Variants in PRDM16 observed in about 807,000 individuals in gnomAD.
PRDM16 encodes the protein PR/SET domain 16, also known as histone-lysine N-methyltransferase PRDM16.
PRDM16 carries 23 observed loss-of-function variants against 110.6 expected under a neutral mutation model. That is an observed-to-expected ratio of 0.21 (90% CI 0.15 to 0.29). PRDM16 has a LOEUF of 0.29. Among genes scored for constraint, PRDM16 ranks in the 10% least tolerant of loss-of-function variants. The probability of loss-of-function intolerance (pLI) is 1.00; values close to 1 mark genes in which losing one functional copy is unlikely to be tolerated. For synonymous variants in PRDM16, 799 were observed against 781.8 expected, an observed-to-expected ratio of 1.02 and a Z score of -0.37; for missense variants, 1,615 against 1,794.3, an observed-to-expected ratio of 0.90 and a Z score of 1.81.
intron 1 of PRDM16, among the ~76,000 whole-genome samples, chr1:3,158,020 G>C (rs1048124449): frequency 4.6e-5 from 7 of 152,216 alleles, no homozygotes; most frequent in African/African-American, 1.7e-4. Context: ...GGAAAACCTT[G>C]CCTCTCCTCA....
At position 3,171,886 on chromosome 1, in the gene PRDM16, G is replaced by A. The variant is rs201861534; in HGVS notation, c.38-14239G>A. ...GCCCTGCTTGGATCAGGCGCCTCCC[G>A]AGCACAAAGTCCTGGAGCAGCGAGC... On this transcript the variant is annotated intron_variant, in intron 1 of 16. Coordinates refer to ENST00000270722, the MANE Select transcript of PRDM16 (RefSeq NM_022114.4). Among the ~76,000 whole-genome samples, 18 of 152,196 alleles carry A rather than the reference G, an allele frequency of 1.2e-4. No homozygotes were observed. In the East Asian group the frequency reaches 2.9e-3, roughly 25 times the overall value.
At chr1:3,118,196 TACACACGC>T (rs753720493) in intron 1 of PRDM16, among the ~76,000 whole-genome samples, 50 of 150,866 alleles carry the variant, frequency 3.3e-4, no homozygotes, top group South Asian at 8.7e-4. Context: ...TGCATGCATG[TACACACGC>T]ACACACGCAC....
intron 8 of PRDM16, among the ~76,000 whole-genome samples, chr1:3,409,940 G>A (rs1291744681): frequency 3.2e-5 from 4 of 126,830 alleles, no homozygotes; most frequent in Non-Finnish European, 6.6e-5. Flanking sequence ...CATGTGTGTG[G>A]TGTGGGTGTG....
At chr1:3,183,683 A>G (rs975601889) in intron 1 of PRDM16, among the ~76,000 whole-genome samples, 1 of 152,194 alleles carries the variant, frequency 6.6e-6, no homozygotes, top group Admixed American at 6.5e-5. Context: ...TAAATTAAAC[A>G]TGCCCTTAAA....
rs762119242 is a variant in PRDM16, at chr1:3,437,318, G to A, written c.*3507G>A. 9.5e-5 allele frequency: 22 copies of A among 232,764 alleles called. No individual in the cohort carries two copies. The highest frequency in any genetic ancestry group is 1.7e-4 in the Admixed American group (3 of 17,780). 14.4% of individuals were successfully genotyped at this position (232,764 alleles called of 1,614,324 possible). Reference sequence around the variant, plus strand: ...GGCCCTGGCGTCCTCTGCCTTCCCCGCTTCCCCATGAGCGTCTGCAAAACA... The same window carrying A: ...GGCCCTGGCGTCCTCTGCCTTCCCCACTTCCCCATGAGCGTCTGCAAAACA... On this transcript the variant is annotated 3_prime_UTR_variant, in exon 17 of 17. Coordinates refer to ENST00000270722, the MANE Select transcript of PRDM16 (RefSeq NM_022114.4).
At chr1:3,182,436 C>A (rs1020673857) in intron 1 of PRDM16, among the ~76,000 whole-genome samples, 1 of 152,216 alleles carries the variant, frequency 6.6e-6, no homozygotes, top group African/African-American at 2.4e-5. Flanking sequence ...GTGGCCTCTT[C>A]TCTCGCTCTC....
At position 3,190,774 on chromosome 1, in the gene PRDM16, C is replaced by T. The variant is rs949257495; in HGVS notation, c.387+4300C>T. Among the ~76,000 whole-genome samples, 17 of 152,216 alleles carry T rather than the reference C, an allele frequency of 1.1e-4. No individual in the cohort carries two copies. Among genetic ancestry groups the T allele is most frequent in the East Asian group, 3.9e-4 (2 of 5,192 alleles). ...ATCACCCGTGAGCGCATTTGCTCGC[C>T]GTGGGGTCTGCAAAAACAATGATTT... is the stretch of plus-strand genomic sequence containing the variant. On this transcript the variant is annotated intron_variant, in intron 2 of 16. Transcript: ENST00000270722. The surrounding 1 kb of genome is among the most constrained non-coding windows in gnomAD (Gnocchi z 5.0).
intron 1 of PRDM16, among the ~76,000 whole-genome samples, chr1:3,072,310 G>C (rs1285866613): frequency 6.6e-6 from 1 of 152,186 alleles, no homozygotes; most frequent in African/African-American, 2.4e-5. Flanking sequence ...TCATAGCACA[G>C]CTGGGGGCCT....
chr1:3,415,982 G>C (rs1041388024), intron 10 of PRDM16, among the ~76,000 whole-genome samples: 1 of 152,230 alleles, frequency 6.6e-6, no homozygotes, highest in Non-Finnish European at 1.5e-5. Context: ...AGGGAGCAAG[G>C]CAGCTTCCAT....
At chr1:3,338,024 C>T (rs142292641) in intron 3 of PRDM16, among the ~76,000 whole-genome samples, 13 of 152,358 alleles carry the variant, frequency 8.5e-5, no homozygotes, top group East Asian at 1.9e-4. Context: ...CACACAGACA[C>T]ATGTGCACAC....
chr1:3,134,976 C>T (rs1211558192), intron 1 of PRDM16, among the ~76,000 whole-genome samples: 4 of 152,184 alleles, frequency 2.6e-5, no homozygotes, highest in Admixed American at 2.6e-4. Flanking sequence ...GGGGAGCTGC[C>T]GGCCACCCGC....
chr1:3,406,858 G>T (rs536901568), intron 8 of PRDM16, among the ~76,000 whole-genome samples: 1 of 152,372 alleles, frequency 6.6e-6, no homozygotes, highest in African/African-American at 2.4e-5. Flanking sequence ...GGCCCCTGAA[G>T]GGTCCTGTCT....
intron 1 of PRDM16, among the ~76,000 whole-genome samples, chr1:3,165,687 C>T (rs144090205): frequency 0.089 from 1,229 of 13,882 alleles, 10 homozygotes; most frequent in Admixed American, 0.11. Flanking sequence ...TCACCTGGGC[C>T]CAGGGACAGG....
Position 3,206,533 on chromosome 1 carries a change from C to T in PRDM16, c.387+20059C>T, listed in dbSNP as rs115666899. The T allele has an allele frequency of 0.011, 1,713 of 152,314 alleles. 36 individuals carry two copies. Among genetic ancestry groups the T allele is most frequent in the African/African-American group, 0.039 (1,603 of 41,538 alleles). The allele number at this position is 152,314 out of a possible 1,614,324, so 9.4% of individuals were successfully genotyped here. A position where few individuals can be genotyped will look rare whatever the true frequency, so the allele number is the denominator to read the frequency against. ...TGTTGCTGAGTGAATAGAAGGTGCA[C>T]GTGGCCCTTCCTGAGTCTGCTCACC... is the stretch of plus-strand genomic sequence containing the variant. On this transcript the variant is annotated intron_variant, in intron 2 of 16. Transcript: ENST00000270722. The surrounding 1 kb of genome is among the most constrained non-coding windows in gnomAD (Gnocchi z 4.9).
intron 2 of PRDM16, among the ~76,000 whole-genome samples, chr1:3,212,398 CG>C (rs915868221): frequency 1.3e-5 from 2 of 152,074 alleles, no homozygotes; most frequent in Non-Finnish European, 2.9e-5. Context: ...GCTGCCTGAG[CG>C]GGGGCACCTT....
chr1:3,311,835 C>T (rs776771199), intron 3 of PRDM16, among the ~76,000 whole-genome samples: 2 of 152,218 alleles, frequency 1.3e-5, no homozygotes, highest in Admixed American at 6.5e-5. Flanking sequence ...CCCAGATAGA[C>T]CCAGAAGGCC....
chr1:3,169,455 G>A (rs1317526371), intron 1 of PRDM16, among the ~76,000 whole-genome samples: 1 of 152,036 alleles, frequency 6.6e-6, no homozygotes, highest in Non-Finnish European at 1.5e-5. Flanking sequence ...CGAGGGGCTT[G>A]TTGGCCTGGG....
At chr1:3,431,911 G>A (rs928134592) in intron 15 of PRDM16, 55 bp from the exon 16 acceptor site, 106 of 1,572,828 alleles carry the variant, frequency 6.7e-5, no homozygotes, top group Middle Eastern at 4.6e-4. Context: ...TCAGAGAGGC[G>A]GCCAAGGCCA....
intron 1 of PRDM16, among the ~76,000 whole-genome samples, chr1:3,071,542 C>G (rs1479934421): frequency 6.6e-6 from 1 of 152,246 alleles, no homozygotes; most frequent in Non-Finnish European, 1.5e-5. Flanking sequence ...GTGGCTGAGG[C>G]AGGTTCAGGA....
Sources: gnomAD v4.1 joint callset for allele counts (sites outside exome capture counted in the v4.1 genomes callset) on GRCh38, gnomAD v4.1.1 for gene constraint, Gnocchi (gnomAD v3.1) non-coding constraint, MANE v1.5 for transcripts, NCBI Gene and HGNC (gene_info 2026-07-23, HGNC 2026-07-21) for gene names.